Variants in KCTD9 observed in about 807,000 individuals in gnomAD.
KCTD9 encodes the protein BTB/POZ domain-containing protein KCTD9.
KCTD9 carries 17 observed loss-of-function variants against 53.3 expected under a neutral mutation model. That is an observed-to-expected ratio of 0.32 (90% confidence interval 0.22 to 0.48). KCTD9 has a LOEUF of 0.48. Among genes scored for constraint, KCTD9 ranks in the 20% least tolerant of loss-of-function variants. KCTD9 has a pLI of 0.99. For synonymous variants in KCTD9, 128 were observed against 162.7 expected, an observed-to-expected ratio of 0.79 and a Z score of 1.62; for missense variants, 179 against 465.5, an observed-to-expected ratio of 0.38 and a Z score of 5.66.
chr8:25,437,760 A>C (rs923636711), intron 6 of KCTD9, among the ~76,000 whole-genome samples: 1 of 150,486 alleles, frequency 6.6e-6, no homozygotes, highest in Non-Finnish European at 1.5e-5. Context: ...AGGCAGGAGA[A>C]TCACTTGAAC....
chr8:25,435,655 G>A (rs1435963873), intron 8 of KCTD9, 143 bp from the exon 9 acceptor site: 3 of 628,658 alleles, frequency 4.8e-6, no homozygotes, highest in Non-Finnish European at 8.0e-6. Flanking sequence ...ATGATAAAAT[G>A]GAACTTAGAT....
chr8:25,442,124 A>G (rs945358057), intron 3 of KCTD9, among the ~76,000 whole-genome samples: 4 of 152,236 alleles, frequency 2.6e-5, no homozygotes, highest in African/African-American at 9.6e-5. Flanking sequence ...AAAGTGAACA[A>G]AATAAAAATG....
At chr8:25,444,462 A>G (rs992616890) in intron 2 of KCTD9, 127 bp from the exon 3 acceptor site, 65 of 790,362 alleles carry the variant, frequency 8.2e-5, no homozygotes, top group Non-Finnish European at 1.2e-4. Context: ...TAGACTGCAA[A>G]GAAGCTAAGT....
intron 6 of KCTD9, among the ~76,000 whole-genome samples, chr8:25,437,922 G>A (rs1802050103): frequency 1.3e-5 from 2 of 148,592 alleles, no homozygotes; most frequent in African/African-American, 2.5e-5. Context: ...CTACTTTTTG[G>A]TGTTAGTGAA....
chr8:25,442,456 A>C (rs753388873), intron 3 of KCTD9, among the ~76,000 whole-genome samples: 1 of 152,218 alleles, frequency 6.6e-6, no homozygotes, highest in African/African-American at 2.4e-5. Context: ...TTAACACAGA[A>C]CAAGTTACAC....
Position 25,439,674 on chromosome 8 carries a change from C to T in KCTD9, c.312-10G>A, listed in dbSNP as rs374734922. 22 of 1,613,242 alleles carry T rather than the reference C, an allele frequency of 1.4e-5. No homozygotes were observed. The Admixed American group carries it at 3.7e-4, about 27-fold the overall frequency. ...ATTCACTAAAGTGCTCCTAAGAATT[C>T]AGGGAAAAAAATTGATTTCTCCATT... On this transcript the variant is annotated splice_polypyrimidine_tract_variant and intron_variant, in intron 4 of 11. Transcript: ENST00000221200.
intron 6 of KCTD9, among the ~76,000 whole-genome samples, chr8:25,437,263 T>C (rs6557842): frequency 0.54 from 82,605 of 152,010 alleles, 24,119 homozygotes; most frequent in Middle Eastern, 0.65. Context: ...AAAGAGGTTC[T>C]TGTGGGCCAC....
At chr8:25,447,270 G>GTAGC (rs1220256822) in intron 1 of KCTD9, among the ~76,000 whole-genome samples, 1 of 152,106 alleles carries the variant, frequency 6.6e-6, no homozygotes, top group Non-Finnish European at 1.5e-5. Context: ...GTGTATGCCT[G>GTAGC]TAGCTACTCC....
intron 6 of KCTD9, 42 bp from the exon 7 acceptor site, chr8:25,436,527 A>G (rs779740063): frequency 8.7e-7 from 1 of 1,146,676 alleles, no homozygotes; most frequent in Admixed American, 2.5e-5. Context: ...TAATTTAGTG[A>G]ATGTATTACA....
intron 3 of KCTD9, among the ~76,000 whole-genome samples, chr8:25,441,441 C>T (rs1007935148): frequency 6.6e-6 from 1 of 152,066 alleles, no homozygotes; most frequent in Non-Finnish European, 1.5e-5. Context: ...ATAATGAAAA[C>T]ATGCCAGAAA....
intron 6 of KCTD9, among the ~76,000 whole-genome samples, chr8:25,436,716 ATC>A (rs1008476976): frequency 1.3e-5 from 2 of 152,244 alleles, no homozygotes; most frequent in Non-Finnish European, 2.9e-5. Flanking sequence ...TAATTCAGAA[ATC>A]TGTCTTATAG....
At chr8:25,450,508 G>A (rs1282290510) in intron 1 of KCTD9, 1 of 944,810 alleles carries the variant, frequency 1.1e-6, no homozygotes, top group Non-Finnish European at 1.3e-6. Context: ...AAAATACACA[G>A]TATAAATGCA....
Position 25,436,229 on chromosome 8 carries a change from A to G in KCTD9, c.663+6T>C, listed in dbSNP as rs1012614788. On this transcript the variant is annotated splice_donor_region_variant and intron_variant, in intron 8 of 11. Transcript: ENST00000221200. ...GAAATAATTGATGTAAAAGCCTGCTAATTACCTGGCATCGCAGTTCTGACT... is the reference window on the plus strand; with the variant it reads ...GAAATAATTGATGTAAAAGCCTGCTGATTACCTGGCATCGCAGTTCTGACT... 2.2e-5 allele frequency: 34 copies of G among 1,540,052 alleles called. No homozygotes were observed. The highest frequency in any genetic ancestry group is 3.0e-5 in the Non-Finnish European group (33 of 1,114,346).
intron 4 of KCTD9, 35 bp downstream of exon 4, chr8:25,440,542 C>T (rs1307373055): frequency 7.4e-7 from 1 of 1,353,612 alleles, no homozygotes. Flanking sequence ...GCTTCTTTTG[C>T]ATTCTCTTTC....
In KCTD9 at chr8:25,432,679, T is replaced by C. The variant is rs775115836; in HGVS notation, c.920-42A>G. The C allele has an allele frequency of 5.1e-6, 8 of 1,569,354 alleles. No homozygotes were observed. The African/African-American group carries it at 9.6e-5, about 19-fold the overall frequency. ...CTGGGAGTAGTTTAACTTAAAAATATAGTTATCTACCTTCAACAGAACTGC... is the reference window on the plus strand; with the variant it reads ...CTGGGAGTAGTTTAACTTAAAAATACAGTTATCTACCTTCAACAGAACTGC... On this transcript the variant is annotated intron_variant, in intron 10 of 11. Coordinates refer to ENST00000221200, the MANE Select transcript of KCTD9 (RefSeq NM_017634.4).
intron 1 of KCTD9, among the ~76,000 whole-genome samples, chr8:25,454,616 A>G (rs1390833964): frequency 6.6e-6 from 1 of 152,238 alleles, no homozygotes; most frequent in African/African-American, 2.4e-5. Context: ...CAAACAACAT[A>G]ACTGACTCTT....
intron 11 of KCTD9, among the ~76,000 whole-genome samples, chr8:25,430,466 C>A (rs1801906007): frequency 6.6e-6 from 1 of 152,140 alleles, no homozygotes; most frequent in African/African-American, 2.4e-5. Flanking sequence ...GTGAACTGCA[C>A]ATGTGAGGGA....
chr8:25,451,245 A>G (rs1189963102), intron 1 of KCTD9, among the ~76,000 whole-genome samples: 1 of 152,230 alleles, frequency 6.6e-6, no homozygotes, highest in African/African-American at 2.4e-5. Flanking sequence ...ATATATATCA[A>G]CATAAATTTG....
Position 25,428,750 on chromosome 8 carries a change from C to T in KCTD9, c.*1107G>A, listed in dbSNP as rs573262765. 4 of 151,986 alleles carry T rather than the reference C, an allele frequency of 2.6e-5. No homozygotes were observed. Among genetic ancestry groups the T allele is most frequent in the East Asian group, 3.9e-4 (2 of 5,168 alleles). The allele number at this position is 151,986 out of a possible 1,614,324, so 9.4% of individuals were successfully genotyped here. On this transcript the variant is annotated 3_prime_UTR_variant, in exon 12 of 12. Coordinates refer to ENST00000221200, the MANE Select transcript of KCTD9 (RefSeq NM_017634.4). ...GACCAGCCAAATGCCTTTATTTTTACGTCTATTTTTTTGGTGGCTGTAATC... is the reference window on the plus strand; with the variant it reads ...GACCAGCCAAATGCCTTTATTTTTATGTCTATTTTTTTGGTGGCTGTAATC...
Sources: gnomAD v4.1 joint callset for allele counts (sites outside exome capture counted in the v4.1 genomes callset) on GRCh38, gnomAD v4.1.1 for gene constraint, MANE v1.5 for transcripts, NCBI Gene and HGNC (gene_info 2026-07-23, HGNC 2026-07-21) for gene names.